WDR72: variants seen among roughly 807,000 people sequenced by gnomAD.
WDR72 encodes WD repeat-containing protein 72.
In WDR72, 120 loss-of-function variants were observed where a neutral mutation model predicts 124.2. That is an observed-to-expected ratio of 0.97 (90% CI 0.83 to 1.12). The LOEUF is 1.12. Ranked by LOEUF, WDR72 falls within the 50% of genes most tolerant of loss-of-function variation. The pLI is 0.00. For synonymous variants in WDR72, 452 were observed against 441.7 expected, an observed-to-expected ratio of 1.02 and a Z score of -0.29; for missense variants, 1,387 against 1,278.8, an observed-to-expected ratio of 1.08 and a Z score of -1.29.
At chr15:53,523,153 C>T (rs1891890993) in intron 19 of WDR72, 65 bp downstream of exon 19, 8 of 1,504,736 alleles carry the variant, frequency 5.3e-6, no homozygotes, top group Non-Finnish European at 7.4e-6. Flanking sequence ...TCACCCCCTT[C>T]CAAGGACCCC....
At chr15:53,692,447 G>A (rs1345172897) in intron 13 of WDR72, among the ~76,000 whole-genome samples, 1 of 152,102 alleles carries the variant, frequency 6.6e-6, no homozygotes, top group Non-Finnish European at 1.5e-5. Flanking sequence ...ATAAATAATA[G>A]TTAATGTTTA....
chr15:53,684,452 G>C (rs369231977), intron 13 of WDR72: 2 of 155,852 alleles, frequency 1.3e-5, no homozygotes, highest in Non-Finnish European at 2.8e-5. Flanking sequence ...GGTGACAGAC[G>C]GCACCTGGAA....
chr15:53,745,917 C>A (rs895883073), intron 1 of WDR72, among the ~76,000 whole-genome samples: 24 of 152,280 alleles, frequency 1.6e-4, no homozygotes, highest in African/African-American at 5.8e-4. Context: ...GCTCCTTACA[C>A]ACAATTGCAA....
intron 1 of WDR72, among the ~76,000 whole-genome samples, chr15:53,738,974 T>C (rs955054671): frequency 2.0e-5 from 3 of 152,162 alleles, no homozygotes; most frequent in Admixed American, 2.0e-4. Flanking sequence ...ACCATTAAAA[T>C]GGAATAAAAT....
chr15:53,588,045 C>A lies in WDR72; in HGVS notation c.3148+9034G>T, dbSNP rs752819305. 9.5e-4 allele frequency among the ~76,000 whole-genome samples: 144 copies of A among 152,002 alleles called. 1 individual carries two copies. Among genetic ancestry groups the A allele is most frequent in the Non-Finnish European group, 2.2e-4 (15 of 67,952 alleles). On this transcript the variant is annotated intron_variant, in intron 18 of 19. Transcript: ENST00000360509. ...TTGAACAAAGTAGATAAATTTGAAG[C>A]AATGCCCCTGGACTAACACTTCAGA...
chr15:53,674,300 TGACA>T (rs2016090897), intron 13 of WDR72, among the ~76,000 whole-genome samples: 2 of 152,236 alleles, frequency 1.3e-5, no homozygotes, highest in Non-Finnish European at 2.9e-5. Flanking sequence ...AACCACTGAC[TGACA>T]GTTATAATCA....
At chr15:53,533,734 A>T (rs1040041292) in intron 18 of WDR72, among the ~76,000 whole-genome samples, 3 of 152,126 alleles carry the variant, frequency 2.0e-5, no homozygotes, top group African/African-American at 7.2e-5. Context: ...CCATTTATTT[A>T]CTGCATTTGT....
intron 14 of WDR72, among the ~76,000 whole-genome samples, chr15:53,646,650 T>C (rs2015053174): frequency 6.6e-6 from 1 of 152,090 alleles, no homozygotes. Flanking sequence ...CACAAGTGTG[T>C]CTCCAGCTTC....
intron 3 of WDR72, among the ~76,000 whole-genome samples, chr15:53,720,884 AC>A (rs2017858761): frequency 6.6e-6 from 1 of 152,170 alleles, no homozygotes; most frequent in African/African-American, 2.4e-5. Flanking sequence ...AATATTAAAC[AC>A]TGAGCCATAA....
Position 53,609,773 on chromosome 15 carries a change from A to C in WDR72, c.2873-181T>G, listed in dbSNP as rs189641489. ...CTGTGGTAGAGGTGGGACAGGCATTAATGCTTTGTAAAAGTGCCACAGATG... is the reference window on the plus strand; with the variant it reads ...CTGTGGTAGAGGTGGGACAGGCATTCATGCTTTGTAAAAGTGCCACAGATG... On this transcript the variant is annotated intron_variant, in intron 16 of 19. Coordinates refer to ENST00000360509, the MANE Select transcript of WDR72 (RefSeq NM_182758.4). 2.1e-3 allele frequency among the ~76,000 whole-genome samples: 316 copies of C among 152,120 alleles called. 2 individuals carry two copies. Among genetic ancestry groups the C allele is most frequent in the Middle Eastern group, 6.8e-3 (2 of 294 alleles).
rs149141489 is a variant in WDR72 at position 53,689,761 on chromosome 15, G to A, written c.1765+9989C>T. Among the ~76,000 whole-genome samples the A allele has an allele frequency of 8.3e-3, 1,269 of 152,022 alleles. 13 individuals carry two copies. The highest frequency in any genetic ancestry group is 0.013 in the Non-Finnish European group (871 of 68,018). Reference sequence around the variant, plus strand: ...GAATCATGCTGCTACAAAGACACACGCACACGTATGTTTATTGCGGCATTA... The same window carrying A: ...GAATCATGCTGCTACAAAGACACACACACACGTATGTTTATTGCGGCATTA... On this transcript the variant is annotated intron_variant, in intron 13 of 19. Transcript: ENST00000360509.
intron 18 of WDR72, among the ~76,000 whole-genome samples, chr15:53,543,808 G>A (rs1893296013): frequency 6.6e-6 from 1 of 151,950 alleles, no homozygotes; most frequent in Non-Finnish European, 1.5e-5. Flanking sequence ...ATGATAAAGG[G>A]GATGTCACCA....
intron 13 of WDR72, among the ~76,000 whole-genome samples, chr15:53,688,797 C>G (rs2016736616): frequency 6.6e-6 from 1 of 151,996 alleles, no homozygotes; most frequent in South Asian, 2.1e-4. Flanking sequence ...AGGCATCACA[C>G]TACCTGACTT....
intron 1 of WDR72, among the ~76,000 whole-genome samples, chr15:53,754,570 G>A (rs553197239): frequency 1.3e-5 from 2 of 152,082 alleles, no homozygotes; most frequent in Admixed American, 6.5e-5. Flanking sequence ...CTGTCCCTAG[G>A]GCATAAATAA....
intron 14 of WDR72, among the ~76,000 whole-genome samples, chr15:53,639,553 T>C (rs1283284592): frequency 6.8e-6 from 1 of 147,556 alleles, no homozygotes; most frequent in Admixed American, 6.8e-5. Flanking sequence ...ATTTTATTTA[T>C]TTATAAAATT....
chr15:53,593,468 A>C (rs1333186018), intron 18 of WDR72, among the ~76,000 whole-genome samples: 1 of 151,990 alleles, frequency 6.6e-6, no homozygotes, highest in African/African-American at 2.4e-5. Context: ...GTAGTATAGG[A>C]AGTATGTTTC....
At chr15:53,678,101 T>G (rs1051538819) in intron 13 of WDR72, among the ~76,000 whole-genome samples, 1 of 152,144 alleles carries the variant, frequency 6.6e-6, no homozygotes, top group Non-Finnish European at 1.5e-5. Context: ...TAGGGAATGT[T>G]TGGTTGGCAA....
intron 13 of WDR72, among the ~76,000 whole-genome samples, chr15:53,685,644 A>G (rs2016593177): frequency 6.6e-6 from 1 of 150,948 alleles, no homozygotes; most frequent in South Asian, 2.1e-4. Flanking sequence ...GCTGCAGGAT[A>G]TTATCCAGGA....
chr15:53,550,320 T>C (rs1368201488), intron 18 of WDR72, among the ~76,000 whole-genome samples: 1 of 152,168 alleles, frequency 6.6e-6, no homozygotes, highest in Non-Finnish European at 1.5e-5. Context: ...ATGGGTGTGG[T>C]TGTGTTCCAA....
Sources: allele counts gnomAD v4.1 joint callset (sites outside exome capture counted in the v4.1 genomes callset), GRCh38; gene constraint gnomAD v4.1.1; transcripts MANE v1.5; gene names NCBI Gene and HGNC (gene_info 2026-07-23, HGNC 2026-07-21).